The following HIBADH variants were observed in gnomAD, a reference collection of about 807,000 sequenced individuals.
HIBADH encodes 3-hydroxyisobutyrate dehydrogenase, mitochondrial.
A neutral mutation model predicts 36.1 loss-of-function variants in HIBADH; 25 were observed. The observed-to-expected ratio is 0.69, with a 90% CI of 0.50 to 0.97. The LOEUF (loss-of-function observed/expected upper bound fraction) is 0.97. Ranked by LOEUF, HIBADH falls within the 50% of genes least tolerant of loss-of-function variation. The pLI, the probability that HIBADH is intolerant of heterozygous loss-of-function variation, is 0.00. For missense variants in HIBADH, 421 were observed against 418.0 expected (o/e 1.01, Z -0.06); for synonymous variants, 160 against 149.5 (o/e 1.07, Z -0.51).
intron 3 of HIBADH, among the ~76,000 whole-genome samples, chr7:27,630,601 A>C (rs1269333735): frequency 2.0e-5 from 3 of 152,188 alleles, no homozygotes; most frequent in Non-Finnish European, 4.4e-5. Context: ...AAAATAGCAC[A>C]CAAAATGGTT....
intron 4 of HIBADH, among the ~76,000 whole-genome samples, chr7:27,555,297 C>G (rs1237788016): frequency 8.2e-6 from 1 of 121,906 alleles, no homozygotes; most frequent in African/African-American, 3.2e-5. Flanking sequence ...ACATTTCTTG[C>G]TCTACTTTTT....
At chr7:27,559,825 C>T (rs1377202525) in intron 4 of HIBADH, among the ~76,000 whole-genome samples, 5 of 152,270 alleles carry the variant, frequency 3.3e-5, no homozygotes, top group Admixed American at 2.0e-4. Context: ...TTAAACTAAG[C>T]ATCACTGTTA....
chr7:27,562,897 T>A (rs964714645), intron 4 of HIBADH, among the ~76,000 whole-genome samples: 1 of 152,240 alleles, frequency 6.6e-6, no homozygotes, highest in African/African-American at 2.4e-5. Context: ...CTATGTTTAA[T>A]CATCATTCCT....
At chr7:27,661,688 T>G (rs570418324) in intron 1 of HIBADH, among the ~76,000 whole-genome samples, 43 of 151,368 alleles carry the variant, frequency 2.8e-4, no homozygotes, top group African/African-American at 1.0e-3. Context: ...AATGCCAAGG[T>G]TTTTTTTGTT....
intron 7 of HIBADH, among the ~76,000 whole-genome samples, chr7:27,530,915 T>A (rs1224610789): frequency 1.3e-5 from 2 of 151,986 alleles, no homozygotes; most frequent in African/African-American, 4.8e-5. Context: ...CCGGCTCATA[T>A]AAATAAACCC....
At chr7:27,637,280 T>C (rs1296735782) in intron 2 of HIBADH, among the ~76,000 whole-genome samples, 2 of 152,214 alleles carry the variant, frequency 1.3e-5, no homozygotes, top group Admixed American at 6.5e-5. Flanking sequence ...AGAGCTGAGA[T>C]GTGAGCCCAG....
chr7:27,651,941 T>C (rs577458155), intron 1 of HIBADH, among the ~76,000 whole-genome samples: 2 of 152,024 alleles, frequency 1.3e-5, no homozygotes, highest in African/African-American at 4.8e-5. Context: ...GGATTTCAAA[T>C]GGATAGGAGG....
At chr7:27,633,553 G>T (rs1455917855) in intron 2 of HIBADH, among the ~76,000 whole-genome samples, 1 of 152,068 alleles carries the variant, frequency 6.6e-6, no homozygotes, top group Non-Finnish European at 1.5e-5. Flanking sequence ...CAGCTCCTTG[G>T]GAGGCTAAGA....
chr7:27,573,955 T>C (rs532370539), intron 4 of HIBADH, among the ~76,000 whole-genome samples: 1 of 152,294 alleles, frequency 6.6e-6, no homozygotes, highest in Admixed American at 6.5e-5. Context: ...CTAAAAAATT[T>C]TAAATTACAC....
At chr7:27,634,657 C>A (rs1455513893) in intron 2 of HIBADH, among the ~76,000 whole-genome samples, 1 of 152,172 alleles carries the variant, frequency 6.6e-6, no homozygotes, top group Admixed American at 6.5e-5. Flanking sequence ...ATCAGTAAGA[C>A]CTGAGGTCTA....
At chr7:27,557,744 C>A (rs1784413723) in intron 4 of HIBADH, among the ~76,000 whole-genome samples, 1 of 152,154 alleles carries the variant, frequency 6.6e-6, no homozygotes, top group South Asian at 2.1e-4. Context: ...AAAGGAGGAA[C>A]CCTCATGACC....
intron 4 of HIBADH, among the ~76,000 whole-genome samples, chr7:27,627,246 T>G (rs1785664505): frequency 6.6e-6 from 1 of 152,222 alleles, no homozygotes; most frequent in African/African-American, 2.4e-5. Flanking sequence ...GCAGAATGGC[T>G]GAAGCCAACC....
intron 2 of HIBADH, among the ~76,000 whole-genome samples, chr7:27,646,689 A>ATTTTTT (rs34491908): frequency 9.4e-5 from 7 of 74,864 alleles, no homozygotes; most frequent in East Asian, 4.3e-4. Flanking sequence ...CACGCCCAGC[A>ATTTTTT]TTTTTTTTTT....
intron 4 of HIBADH, among the ~76,000 whole-genome samples, chr7:27,579,494 G>A (rs1391109192): frequency 6.6e-6 from 1 of 152,092 alleles, no homozygotes; most frequent in African/African-American, 2.4e-5. Flanking sequence ...AAAAACTTTG[G>A]TCCCAAATAC....
intron 4 of HIBADH, among the ~76,000 whole-genome samples, chr7:27,606,915 AATGTAATCTCTCTCTC>A (rs141670909): frequency 0.044 from 6,645 of 152,136 alleles, 454 homozygotes; most frequent in African/African-American, 0.15. Context: ...GGAAGAGGAC[AATGTAATCTCTCTCTC>A]ATTCTTGCAT....
intron 4 of HIBADH, among the ~76,000 whole-genome samples, chr7:27,547,245 T>C (rs946973047): frequency 1.3e-5 from 2 of 152,210 alleles, no homozygotes; most frequent in Non-Finnish European, 1.5e-5. Context: ...CCTGAAATGT[T>C]CTTCCCCCAG....
At chr7:27,541,937 T>G (rs1214360227) in intron 5 of HIBADH, among the ~76,000 whole-genome samples, 1 of 152,244 alleles carries the variant, frequency 6.6e-6, no homozygotes, top group Non-Finnish European at 1.5e-5. Context: ...ATTATTACAG[T>G]AGTACAGTAT....
intron 4 of HIBADH, among the ~76,000 whole-genome samples, chr7:27,576,055 CAAAAT>C (rs1304642031): frequency 6.6e-6 from 1 of 151,578 alleles, no homozygotes; most frequent in Admixed American, 6.6e-5. Context: ...CAATCACTGA[CAAAAT>C]AAAGTGGAAA....
chr7:27,526,094 C>T lies in HIBADH; in HGVS notation c.*120G>A. 7 of 775,940 alleles carry T rather than the reference C, an allele frequency of 9.0e-6. No individual in the cohort carries two copies. Among genetic ancestry groups the T allele is most frequent in the Non-Finnish European group, 1.3e-5 (7 of 536,060 alleles). 48.1% of individuals were successfully genotyped at this position (775,940 alleles called of 1,614,324 possible). On this transcript the variant is annotated 3_prime_UTR_variant, in exon 8 of 8. Coordinates refer to ENST00000265395, the MANE Select transcript of HIBADH (RefSeq NM_152740.4). ...GAAAAATCCTAGGGATTACTGTGAC[C>T]TAGACAATCAAAAGCAGATAGGTGA...
Sources: allele counts gnomAD v4.1 joint callset (sites outside exome capture counted in the v4.1 genomes callset), GRCh38; gene constraint gnomAD v4.1.1; transcripts MANE v1.5; gene names NCBI Gene and HGNC (gene_info 2026-07-23, HGNC 2026-07-21).